PRMT3: variants seen among roughly 807,000 people sequenced by gnomAD.
The protein encoded by PRMT3 is protein arginine methyltransferase 3.
Under a neutral mutation model 71.9 loss-of-function variants are expected in PRMT3, and 62 were observed. The ratio of observed to expected loss-of-function variants is 0.86; its 90% CI spans 0.70 to 1.07. PRMT3 has a LOEUF of 1.07. Ranked by LOEUF, PRMT3 falls within the 50% of genes least tolerant of loss-of-function variation. The pLI is 0.00. For synonymous variants in PRMT3, 213 were observed against 220.4 expected (o/e 0.97, Z 0.30); for missense variants, 663 against 643.0 (o/e 1.03, Z -0.34).
intron 9 of PRMT3, among the ~76,000 whole-genome samples, chr11:20,425,574 C>T (rs1309935451): frequency 6.6e-6 from 1 of 152,054 alleles, no homozygotes; most frequent in Non-Finnish European, 1.5e-5. Flanking sequence ...TAGCAAGGAA[C>T]AAACAAACTA....
intron 11 of PRMT3, 21 bp downstream of exon 11, chr11:20,452,229 TTAA>T: frequency 6.4e-7 from 1 of 1,554,794 alleles, no homozygotes; most frequent in South Asian, 1.1e-5. Context: ...AATTCTGGTT[TTAA>T]TAATCTAATT....
intron 8 of PRMT3, among the ~76,000 whole-genome samples, chr11:20,404,274 G>A (rs1432649137): frequency 3.5e-5 from 4 of 112,816 alleles, no homozygotes; most frequent in Non-Finnish European, 5.0e-5. Flanking sequence ...TCGCTTTGTC[G>A]CCATGCTGGA....
chr11:20,474,680 T>C (rs1254162963), intron 13 of PRMT3, among the ~76,000 whole-genome samples: 3 of 152,206 alleles, frequency 2.0e-5, no homozygotes, highest in Non-Finnish European at 4.4e-5. Flanking sequence ...TAGCTGGGAC[T>C]GAGTGTTCCT....
rs779264620 is a variant in PRMT3 at position 20,388,133 on chromosome 11, C to G, written c.143C>G (p.Thr48Ser). ...GATCTCCCCCACGGCAAGCAGCAGA[C>G]CCCCTGCCTGTTCTGTAACAGGTTC... ...DADLPHGKQQ[T>S]PCLFCNRLFT... is the part of the protein sequence containing the mutation. Residue 48 changes from threonine (T) to serine (S), a missense_variant, in exon 2 of 16, where the codon ACC (threonine) becomes AGC (serine). Transcript: ENST00000331079. 6.2e-7 allele frequency: 1 copy of G among 1,613,906 alleles called. No homozygotes were observed. Among genetic ancestry groups the G allele is most frequent in the South Asian group, 1.1e-5 (1 of 91,088 alleles).
intron 13 of PRMT3, among the ~76,000 whole-genome samples, chr11:20,482,663 A>G (rs1273548749): frequency 6.6e-6 from 1 of 152,032 alleles, no homozygotes; most frequent in Non-Finnish European, 1.5e-5. Context: ...TAAGGAAGTA[A>G]TCTTCCCAAG....
rs115109258 is a variant in PRMT3, at chr11:20,392,189, A to T, written c.248-22A>T. 1,644 of 1,568,944 alleles carry T rather than the reference A, an allele frequency of 1.0e-3. 5 individuals are homozygous for T. The African/African-American group carries it at 0.016, about 16-fold the overall frequency. ...AAAACTCATTATGTTAACATAGGTG[A>T]ATTATCTTTTTCCCCCTTTAGGACT... On this transcript the variant is annotated intron_variant, in intron 3 of 15. Transcript: ENST00000331079.
At chr11:20,493,861 GTTA>G (rs2133453561) in intron 13 of PRMT3, 55 bp from the exon 14 acceptor site, 3 of 1,170,952 alleles carry the variant, frequency 2.6e-6, no homozygotes, top group South Asian at 2.7e-5. Context: ...ACAGTAATGA[GTTA>G]TTATATTATG....
At chr11:20,442,863 A>G (rs1849940300) in intron 10 of PRMT3, among the ~76,000 whole-genome samples, 1 of 152,092 alleles carries the variant, frequency 6.6e-6, no homozygotes, top group African/African-American at 2.4e-5. Flanking sequence ...TATATGTGTA[A>G]TGTCATTTTA....
At chr11:20,479,641 C>G (rs1850881868) in intron 13 of PRMT3, among the ~76,000 whole-genome samples, 1 of 152,088 alleles carries the variant, frequency 6.6e-6, no homozygotes, top group African/African-American at 2.4e-5. Flanking sequence ...CAGAGGTTCT[C>G]TAATTGTGTA....
At chr11:20,392,369 G>A in intron 4 of PRMT3, 109 bp downstream of exon 4, 1 of 1,184,814 alleles carries the variant, frequency 8.4e-7, no homozygotes. Flanking sequence ...ATTAAATTTG[G>A]TACTCATCAT....
intron 9 of PRMT3, among the ~76,000 whole-genome samples, chr11:20,420,111 G>A (rs1475650230): frequency 6.6e-6 from 1 of 152,228 alleles, no homozygotes; most frequent in Non-Finnish European, 1.5e-5. Context: ...GGCGGAGGTT[G>A]CAGTGAGCTG....
intron 13 of PRMT3, among the ~76,000 whole-genome samples, chr11:20,478,005 T>A (rs1324426869): frequency 6.6e-6 from 1 of 152,156 alleles, no homozygotes; most frequent in African/African-American, 2.4e-5. Flanking sequence ...GACTGTGGCA[T>A]TTTTGCTACT....
At chr11:20,416,334 T>C (rs192139057) in intron 9 of PRMT3, among the ~76,000 whole-genome samples, 27 of 152,300 alleles carry the variant, frequency 1.8e-4, no homozygotes, top group East Asian at 1.2e-3. Context: ...GAGACTACTA[T>C]CAACATTTTG....
intron 10 of PRMT3, among the ~76,000 whole-genome samples, chr11:20,427,911 C>T (rs1479947623): frequency 6.6e-6 from 1 of 151,894 alleles, no homozygotes; most frequent in Non-Finnish European, 1.5e-5. Context: ...TTGAGTTTTG[C>T]TTTATAATTT....
intron 15 of PRMT3, among the ~76,000 whole-genome samples, chr11:20,496,940 A>G (rs1294186664): frequency 6.6e-6 from 1 of 152,218 alleles, no homozygotes; most frequent in African/African-American, 2.4e-5. Flanking sequence ...AAGCTTCAGC[A>G]CAGCAAAAGT....
chr11:20,440,489 C>CAAAAAAAAAAA (rs55801324), intron 10 of PRMT3, among the ~76,000 whole-genome samples: 63 of 115,880 alleles, frequency 5.4e-4, no homozygotes, highest in East Asian at 5.1e-3. Context: ...ACTAAAAATA[C>CAAAAAAAAAAA]AAAAAAAAAA....
chr11:20,463,984 T>C (rs1200150453), intron 12 of PRMT3, among the ~76,000 whole-genome samples: 1 of 152,268 alleles, frequency 6.6e-6, no homozygotes, highest in Non-Finnish European at 1.5e-5. Context: ...TAGACATGAA[T>C]TTTAAAACAA....
chr11:20,397,748 A>G (rs774220082), intron 7 of PRMT3, 27 bp downstream of exon 7: 1 of 1,608,634 alleles, frequency 6.2e-7, no homozygotes, highest in Admixed American at 1.7e-5. Context: ...AATGCGTCAA[A>G]TCCATACTAA....
At position 20,423,922 on chromosome 11, in the gene PRMT3, C is replaced by T. The variant is rs11822481; in HGVS notation, c.894-2844C>T. Among the ~76,000 whole-genome samples, 1,004 of 145,632 alleles carry T rather than the reference C, an allele frequency of 6.9e-3. 15 individuals carry two copies. The highest frequency in any genetic ancestry group is 0.025 in the African/African-American group (953 of 38,622). On this transcript the variant is annotated intron_variant, in intron 9 of 15. Transcript: ENST00000331079. ...AAAAAAGGCCAGGCGCGGTGGCTGACGCCTGTAAACCCAGCACTTTGGGAG... is the reference window on the plus strand; with the variant it reads ...AAAAAAGGCCAGGCGCGGTGGCTGATGCCTGTAAACCCAGCACTTTGGGAG...
Sources: gnomAD v4.1 joint callset for allele counts (sites outside exome capture counted in the v4.1 genomes callset) on GRCh38, gnomAD v4.1.1 for gene constraint, MANE v1.5 for transcripts, NCBI Gene and HGNC (gene_info 2026-07-23, HGNC 2026-07-21) for gene names.